Variants in MTUS2 observed in about 807,000 individuals in gnomAD.
The protein encoded by MTUS2 is microtubule-associated tumor suppressor candidate 2.
MTUS2 carries 40 observed loss-of-function variants against 114.1 expected under a neutral mutation model. The observed-to-expected ratio is 0.35, with a 90% CI of 0.27 to 0.46. The LOEUF (loss-of-function observed/expected upper bound fraction) is 0.46. Ranked by LOEUF, MTUS2 falls within the 20% of genes least tolerant of loss-of-function variation. The pLI is 1.00. For synonymous variants in MTUS2, 688 were observed against 672.0 expected (o/e 1.02, Z -0.37); for missense variants, 1,679 against 1,705.4 (o/e 0.98, Z 0.27).
At chr13:29,154,751 C>T (rs1456417113) in intron 5 of MTUS2, among the ~76,000 whole-genome samples, 1 of 152,180 alleles carries the variant, frequency 6.6e-6, no homozygotes, top group African/African-American at 2.4e-5. Context: ...TATGGCTAAG[C>T]TAGATTGGAT....
At chr13:29,269,591 A>T (rs1593243966) in intron 5 of MTUS2, among the ~76,000 whole-genome samples, 1 of 152,160 alleles carries the variant, frequency 6.6e-6, no homozygotes, top group African/African-American at 2.4e-5. Flanking sequence ...AGAAATAGGA[A>T]CCTTTGTATA....
At chr13:29,437,996 T>C (rs1877542214) in intron 8 of MTUS2, among the ~76,000 whole-genome samples, 1 of 151,510 alleles carries the variant, frequency 6.6e-6, no homozygotes, top group Admixed American at 6.6e-5. Context: ...CTAAATGCAT[T>C]TAGATAATTA....
chr13:29,249,525 CATT>C (rs902453876), intron 5 of MTUS2, among the ~76,000 whole-genome samples: 3 of 152,138 alleles, frequency 2.0e-5, no homozygotes, highest in African/African-American at 7.2e-5. Flanking sequence ...GATGGTATCT[CATT>C]ATGGTTTTGA....
chr13:28,991,904 T>C (rs753642581), intron 2 of MTUS2, among the ~76,000 whole-genome samples: 1 of 152,172 alleles, frequency 6.6e-6, no homozygotes, highest in Non-Finnish European at 1.5e-5. Context: ...TCAGCCAGTG[T>C]GATTCTGTCT....
intron 5 of MTUS2, among the ~76,000 whole-genome samples, chr13:29,184,475 C>G (rs1894138813): frequency 6.6e-6 from 1 of 152,174 alleles, no homozygotes; most frequent in African/African-American, 2.4e-5. Flanking sequence ...GAAAAAGCCC[C>G]AAGCTCTCAC....
intron 5 of MTUS2, among the ~76,000 whole-genome samples, chr13:29,244,800 C>CA (rs1167378844): frequency 5.3e-5 from 8 of 150,032 alleles, no homozygotes; most frequent in Admixed American, 2.0e-4. Context: ...ACTAAAAATA[C>CA]AAAAAATTAG....
At chr13:29,375,601 AT>A (rs1871622923) in intron 8 of MTUS2, among the ~76,000 whole-genome samples, 2 of 4,354 alleles carry the variant, frequency 4.6e-4, no homozygotes, top group Non-Finnish European at 6.6e-4. Context: ...ATATATATAT[AT>A]ATATACGTAT....
At chr13:29,296,975 C>T (rs938951086) in intron 6 of MTUS2, among the ~76,000 whole-genome samples, 2 of 152,048 alleles carry the variant, frequency 1.3e-5, no homozygotes, top group African/African-American at 2.4e-5. Flanking sequence ...TATATTTTTG[C>T]TTTTGTTGCC....
chr13:29,126,365 C>T (rs143130346), intron 5 of MTUS2, among the ~76,000 whole-genome samples: 10 of 152,268 alleles, frequency 6.6e-5, no homozygotes, highest in Non-Finnish European at 1.0e-4. Flanking sequence ...TCTTTCATTT[C>T]TCGCCTCATT....
At chr13:28,994,370 A>G (rs1220592356) in intron 2 of MTUS2, among the ~76,000 whole-genome samples, 1 of 152,194 alleles carries the variant, frequency 6.6e-6, no homozygotes, top group Non-Finnish European at 1.5e-5. Flanking sequence ...ATACGTGTGC[A>G]TGCGTCTTTA....
intron 2 of MTUS2, among the ~76,000 whole-genome samples, chr13:28,951,119 C>CA (rs1353501812): frequency 1.3e-5 from 2 of 152,058 alleles, no homozygotes; most frequent in African/African-American, 4.8e-5. Context: ...AAAAGAATCA[C>CA]AAAAAATCAG....
intron 2 of MTUS2, among the ~76,000 whole-genome samples, chr13:28,951,378 A>G (rs1253394943): frequency 6.6e-6 from 1 of 152,208 alleles, no homozygotes; most frequent in Admixed American, 6.5e-5. Flanking sequence ...TTCTTTCAGC[A>G]ACATTTTATA....
chr13:29,059,796 C>T (rs753643390), intron 4 of MTUS2, among the ~76,000 whole-genome samples: 2 of 152,232 alleles, frequency 1.3e-5, no homozygotes, highest in African/African-American at 4.8e-5. Context: ...TAAGTTCAGA[C>T]AGAAGTGGGA....
chr13:29,077,832 A>G (rs1032925675), intron 4 of MTUS2, among the ~76,000 whole-genome samples: 3 of 152,204 alleles, frequency 2.0e-5, no homozygotes, highest in African/African-American at 4.8e-5. Flanking sequence ...ATCTTTATCA[A>G]TATAATAGTA....
At chr13:29,232,416 A>G (rs2139365138) in intron 5 of MTUS2, among the ~76,000 whole-genome samples, 1 of 152,300 alleles carries the variant, frequency 6.6e-6, no homozygotes, top group East Asian at 1.9e-4. Flanking sequence ...ATAAATTCCA[A>G]GAATGTGAGA....
intron 6 of MTUS2, among the ~76,000 whole-genome samples, chr13:29,302,489 C>T (rs1194127140): frequency 1.3e-5 from 2 of 152,156 alleles, no homozygotes; most frequent in East Asian, 3.9e-4. Context: ...CCCTGGGATC[C>T]CTGGGAAGAT....
chr13:29,174,884 A>G (rs929758159), intron 5 of MTUS2, among the ~76,000 whole-genome samples: 1 of 152,222 alleles, frequency 6.6e-6, no homozygotes, highest in African/African-American at 2.4e-5. Context: ...GAGTAAATGT[A>G]AAATGCCTGT....
intron 2 of MTUS2, among the ~76,000 whole-genome samples, chr13:28,930,907 C>G (rs1881580890): frequency 6.6e-6 from 1 of 152,190 alleles, no homozygotes; most frequent in Admixed American, 6.5e-5. Flanking sequence ...ATAACTCCTA[C>G]TAGTGGAGTT....
chr13:29,389,491 GTGTA>G (rs1452866635), intron 8 of MTUS2, among the ~76,000 whole-genome samples: 1 of 112,948 alleles, frequency 8.9e-6, no homozygotes, highest in Non-Finnish European at 1.9e-5. Context: ...GTGTGTGTAT[GTGTA>G]TATATGTATA....
Sources: gnomAD v4.1 joint callset for allele counts (sites outside exome capture counted in the v4.1 genomes callset) on GRCh38, gnomAD v4.1.1 for gene constraint, MANE v1.5 for transcripts, NCBI Gene and HGNC (gene_info 2026-07-23, HGNC 2026-07-21) for gene names.